Variants in ZNF746 observed in about 807,000 individuals in gnomAD.
The protein encoded by ZNF746 is parkin-interacting substrate.
A neutral mutation model predicts 41.0 loss-of-function variants in ZNF746; 13 were observed. The ratio of observed to expected loss-of-function variants is 0.32; its 90% confidence interval spans 0.21 to 0.50. The LOEUF (loss-of-function observed/expected upper bound fraction) is 0.50, where lower values mean the gene tolerates loss of function less well. Ranked by LOEUF, ZNF746 falls within the 20% of genes least tolerant of loss-of-function variation. The pLI is 0.98. For missense variants in ZNF746, 811 were observed against 922.9 expected, an observed-to-expected ratio of 0.88 and a Z score of 1.57; for synonymous variants, 424 against 396.2, an observed-to-expected ratio of 1.07 and a Z score of -0.83.
Position 149,474,888 on chromosome 7 carries a change from C to A in ZNF746, c.1479G>T (p.Ala493=), listed in dbSNP as rs572055793. ...SLSAHQRSCG[A]PDGSGPGTGG... ...CTGTGCCCGGGCCCGACCCGTCGGG[C>A]GCCCCACAGCTGCGCTGGTGCGCGC... is the stretch of plus-strand genomic sequence containing the variant. The change falls in exon 7 of 7, where the codon GCG becomes GCT. Residue 493 remains alanine, a synonymous_variant. Transcript: ENST00000458143. This position sits in a 1 kb window ranked among gnomAD's most constrained non-coding sequence, Gnocchi z 6.3. 6.6e-7 allele frequency: 1 copy of A among 1,516,494 alleles called. No individual in the cohort carries two copies. Among genetic ancestry groups the A allele is most frequent in the South Asian group, 1.2e-5 (1 of 82,184 alleles). The allele number at this position is 1,516,494 out of a possible 1,614,324, so 93.9% of individuals were successfully genotyped here.
In ZNF746 at chr7:149,497,363, G is replaced by A. The variant is rs1801042530; in HGVS notation, c.24+150C>T. On this transcript the variant is annotated intron_variant, in intron 1 of 6. Transcript: ENST00000458143. This position sits in a 1 kb window ranked among gnomAD's most constrained non-coding sequence, Gnocchi z 4.2. ...GCCGACGGGCGCAGTAGGCCCCGGC[G>A]GACCCCGCGCCCCATTCGCGGGAGC... 1 of 991,546 alleles carries A rather than the reference G, an allele frequency of 1.0e-6. No homozygotes were observed. The highest frequency in any genetic ancestry group is 1.2e-6 in the Non-Finnish European group (1 of 830,150). 61.4% of individuals were successfully genotyped at this position (991,546 alleles called of 1,614,324 possible). A position where few individuals can be genotyped will look rare whatever the true frequency, so the allele number is the denominator to read the frequency against.
chr7:149,482,637 A>G (rs1268271158), intron 4 of ZNF746, among the ~76,000 whole-genome samples: 1 of 151,888 alleles, frequency 6.6e-6, no homozygotes, highest in Admixed American at 6.6e-5. Context: ...GCTATTTTTT[A>G]TATCTTTAGT....
At chr7:149,477,974 G>T (rs971826969) in intron 4 of ZNF746, 2 of 443,394 alleles carry the variant, frequency 4.5e-6, no homozygotes, top group Admixed American at 3.8e-5. Flanking sequence ...AGGCTGAGGC[G>T]GGGGAGGGGA....
chr7:149,488,502 T>C (rs533344035), intron 4 of ZNF746: 2 of 152,052 alleles, frequency 1.3e-5, no homozygotes, highest in Non-Finnish European at 2.9e-5. Context: ...AGGATTTGTA[T>C]CTAGAACACA....
chr7:149,491,561 C>G (rs1585738805), intron 4 of ZNF746: 1 of 350,156 alleles, frequency 2.9e-6, no homozygotes. Context: ...AAAAATGCAT[C>G]TGTAGAGCTA....
At chr7:149,492,434 A>G (rs376130194) in intron 4 of ZNF746, among the ~76,000 whole-genome samples, 3 of 152,250 alleles carry the variant, frequency 2.0e-5, no homozygotes, top group East Asian at 1.9e-4. Flanking sequence ...CATAGTATCA[A>G]TAAGGCTTCT....
Position 149,494,046 on chromosome 7 carries a change from G to A in ZNF746, c.394C>T (p.Gln132Ter). ...ATCACGTGCTTGTAGAGCTCCTTCT[G>A]CCAGTCCTCCAGCTTGCCCCACTCC... is the stretch of plus-strand genomic sequence containing the variant. ...EQEWGKLEDW[Q>*]KELYKHVMRG... is the part of the protein sequence containing the mutation. Residue 132 changes from glutamine to a stop codon, truncating the protein, a stop_gained, in exon 3 of 7, where the codon CAG (glutamine) becomes TAG (stop). Coordinates refer to ENST00000458143, the MANE Select transcript of ZNF746 (RefSeq NM_001394198.1). LOFTEE classifies it high-confidence loss of function. This position sits in a 1 kb window ranked among gnomAD's most constrained non-coding sequence, Gnocchi z 5.6. 1.2e-6 allele frequency: 2 copies of A among 1,614,126 alleles called. No homozygotes were observed. The highest frequency in any genetic ancestry group is 1.7e-6 in the Non-Finnish European group (2 of 1,180,012).
chr7:149,475,552 T>C, intron 6 of ZNF746, 69 bp from the exon 7 acceptor site: 2 of 1,537,968 alleles, frequency 1.3e-6, no homozygotes, highest in Non-Finnish European at 1.8e-6. Context: ...TCTGCCACCA[T>C]CACCTGCTCA....
chr7:149,474,827 CGCCACCGCCGCCGCCACTGCCGCT>C lies in ZNF746; in HGVS notation c.1516_1539del (p.Ser506_Gly513del), dbSNP rs1159366287. The C allele has an allele frequency of 7.0e-7, 1 of 1,419,180 alleles. No individual in the cohort carries two copies. Among genetic ancestry groups the C allele is most frequent in the Non-Finnish European group, 9.1e-7 (1 of 1,093,076 alleles). 87.9% of individuals were successfully genotyped at this position (1,419,180 alleles called of 1,614,324 possible). Reference sequence around the variant, plus strand: ...TCCCGTGCGCTGCCCCCACCGCTGCCGCCACCGCCGCCGCCACTGCCGCTGCCGCCACCGCCTGTGCCCGGGCCC... The same window carrying C: ...TCCCGTGCGCTGCCCCCACCGCTGCCGCCGCCACCGCCTGTGCCCGGGCCC... On this transcript the variant is annotated inframe_deletion, in exon 7 of 7. Coordinates refer to ENST00000458143, the MANE Select transcript of ZNF746 (RefSeq NM_001394198.1). The surrounding 1 kb of genome is among the most constrained non-coding windows in gnomAD (Gnocchi z 6.3).
Position 149,497,341 on chromosome 7 carries a change from G to T in ZNF746, c.24+172C>A. Reference sequence around the variant, plus strand: ...TTCGGCTCGGAGTGGGGGCCCGGCCGACGGGCGCAGTAGGCCCCGGCGGAC... The same window carrying T: ...TTCGGCTCGGAGTGGGGGCCCGGCCTACGGGCGCAGTAGGCCCCGGCGGAC... On this transcript the variant is annotated intron_variant, in intron 1 of 6. Transcript: ENST00000458143. The surrounding 1 kb of genome is among the most constrained non-coding windows in gnomAD (Gnocchi z 4.2). The T allele has an allele frequency of 1.0e-6, 1 of 980,066 alleles. No homozygotes were observed. Among genetic ancestry groups the T allele is most frequent in the Non-Finnish European group, 1.2e-6 (1 of 825,278 alleles). The allele number at this position is 980,066 out of a possible 1,614,324, so 60.7% of individuals were successfully genotyped here. A position where few individuals can be genotyped will look rare whatever the true frequency, so the allele number is the denominator to read the frequency against.
At chr7:149,489,022 G>A (rs1056735412) in intron 4 of ZNF746, 2 of 152,086 alleles carry the variant, frequency 1.3e-5, no homozygotes, top group Non-Finnish European at 2.9e-5. Flanking sequence ...GTATCAACAT[G>A]GATAAGTCTG....
At position 149,474,395 on chromosome 7, in the gene ZNF746, C is replaced by T. The variant is rs755892314; in HGVS notation, c.1972G>A (p.Gly658Arg). 7 of 1,606,282 alleles carry T rather than the reference C, an allele frequency of 4.4e-6. No individual in the cohort carries two copies. Among genetic ancestry groups the T allele is most frequent in the Non-Finnish European group, 5.1e-6 (6 of 1,176,838 alleles). The change falls in exon 7 of 7, where the codon GGG becomes AGG. Residue 658 changes from glycine (G) to arginine (R), a missense_variant. Physicochemically the swap from Gly to Arg is moderately radical, Grantham distance 125 (BLOSUM62 -2). Around this residue, in one of 4 missense-constraint regions of ZNF746, gnomAD observed 99 missense variants for 80.3 expected, o/e 1.23. Coordinates refer to ENST00000458143, the MANE Select transcript of ZNF746 (RefSeq NM_001394198.1). The surrounding 1 kb of genome is among the most constrained non-coding windows in gnomAD (Gnocchi z 6.3). Reference protein sequence around the residue: ...GLSVLGPTDGGDM With the variant: ...GLSVLGPTDGRDM ...GGGGCTGGAGGCGCTCACATGTCCC[C>T]GCCATCGGTGGGTCCCAGGACGCTG...
rs1585715552 is a variant in ZNF746, at chr7:149,474,063, C to T, written c.*321G>A. Reference sequence around the variant, plus strand: ...ACGCCCTGAAAACCAAAAGTACCTACAAAATTTAAATAGCCCTATTACTAT... The same window carrying T: ...ACGCCCTGAAAACCAAAAGTACCTATAAAATTTAAATAGCCCTATTACTAT... On this transcript the variant is annotated 3_prime_UTR_variant, in exon 7 of 7. Coordinates refer to ENST00000458143, the MANE Select transcript of ZNF746 (RefSeq NM_001394198.1). This position sits in a 1 kb window ranked among gnomAD's most constrained non-coding sequence, Gnocchi z 6.3. 5.5e-6 allele frequency: 2 copies of T among 365,666 alleles called. No individual in the cohort carries two copies. The highest frequency in any genetic ancestry group is 1.0e-5 in the Non-Finnish European group (2 of 195,974). The allele number at this position is 365,666 out of a possible 1,614,324, so 22.7% of individuals were successfully genotyped here. A position where few individuals can be genotyped will look rare whatever the true frequency, so the allele number is the denominator to read the frequency against.
chr7:149,494,249 G>A lies in ZNF746; in HGVS notation c.279C>T (p.Phe93=). ...TGCCCGGGGGCAGCCGCAGGATCCA[G>A]AAGTTCCTGTTGCGCAGCAGGTTCT... is the stretch of plus-strand genomic sequence containing the variant. ...NVENLLRNRN[F]WILRLPPGSK... Residue 93 remains phenylalanine, a synonymous_variant, in exon 2 of 7, where the codon TTC becomes TTT. Transcript: ENST00000458143. This position sits in a 1 kb window ranked among gnomAD's most constrained non-coding sequence, Gnocchi z 5.6. 1 of 1,614,120 alleles carries A rather than the reference G, an allele frequency of 6.2e-7. No individual in the cohort carries two copies. The highest frequency in any genetic ancestry group is 1.1e-5 in the South Asian group (1 of 91,074).
intron 4 of ZNF746, among the ~76,000 whole-genome samples, chr7:149,480,858 CTAAAAATATA>C (rs1800465045): frequency 6.6e-6 from 1 of 151,980 alleles, no homozygotes; most frequent in Non-Finnish European, 1.5e-5. Context: ...AGAGACTGAG[CTAAAAATATA>C]AAGAGGGGTT....
At chr7:149,491,846 C>T (rs1800819663) in intron 4 of ZNF746, 1 of 700,834 alleles carries the variant, frequency 1.4e-6, no homozygotes, top group Non-Finnish European at 2.6e-6. Flanking sequence ...GTCAAATGAC[C>T]CAGCAGGTCT....
rs569779521 is a variant in ZNF746, at chr7:149,474,558, G to A, written c.1809C>T (p.Asn603=). ...RKDHLRKHQR[N]HAAGAKTPAR... is the part of the protein sequence containing the mutation. ...CCGGGGTCTTGGCGCCCGCTGCATGGTTGCGCTGGTGCTTGCGGAGGTGGT... is the reference window on the plus strand; with the variant it reads ...CCGGGGTCTTGGCGCCCGCTGCATGATTGCGCTGGTGCTTGCGGAGGTGGT... Residue 603 remains asparagine, a synonymous_variant, in exon 7 of 7, where the codon AAC becomes AAT. Transcript: ENST00000458143. The surrounding 1 kb of genome is among the most constrained non-coding windows in gnomAD (Gnocchi z 6.3). The A allele has an allele frequency of 1.2e-6, 2 of 1,610,612 alleles. No homozygotes were observed. The highest frequency in any genetic ancestry group is 1.1e-5 in the South Asian group (1 of 90,668).
rs1800195549 is a variant in ZNF746 at position 149,474,151 on chromosome 7, A to G, written c.*233T>C. 2 of 547,484 alleles carry G rather than the reference A, an allele frequency of 3.7e-6. No individual in the cohort carries two copies. Among genetic ancestry groups the G allele is most frequent in the Non-Finnish European group, 6.4e-6 (2 of 313,502 alleles). 33.9% of individuals were successfully genotyped at this position (547,484 alleles called of 1,614,324 possible). On this transcript the variant is annotated 3_prime_UTR_variant, in exon 7 of 7. Transcript: ENST00000458143. The surrounding 1 kb of genome is among the most constrained non-coding windows in gnomAD (Gnocchi z 6.3). ...AAACAAAAAACAAAACAGGTTTGCAATTAAATTACTTAAAATTCTACGGCG... is the reference window on the plus strand; with the variant it reads ...AAACAAAAAACAAAACAGGTTTGCAGTTAAATTACTTAAAATTCTACGGCG...
At chr7:149,489,291 C>G (rs980807474) in intron 4 of ZNF746, 1 of 150,668 alleles carries the variant, frequency 6.6e-6, no homozygotes, top group Admixed American at 6.6e-5. Flanking sequence ...AATTTTGAAA[C>G]AGCATACATT....
Sources: gnomAD v4.1 joint callset for allele counts (sites outside exome capture counted in the v4.1 genomes callset) on GRCh38, gnomAD v4.1.1 for gene constraint, gnomAD v4.1.1 regional missense constraint, Gnocchi (gnomAD v3.1) non-coding constraint, MANE v1.5 for transcripts, NCBI Gene and HGNC (gene_info 2026-07-23, HGNC 2026-07-21) for gene names.